EDIL3: variants seen among roughly 807,000 people sequenced by gnomAD.
EDIL3 encodes EGF-like repeat and discoidin I-like domain-containing protein 3.
A neutral mutation model predicts 67.4 loss-of-function variants in EDIL3; 37 were observed. The observed-to-expected ratio is 0.55, with a 90% confidence interval of 0.42 to 0.72. The LOEUF (loss-of-function observed/expected upper bound fraction) is 0.72, where lower values mean the gene tolerates loss of function less well. Ranked by LOEUF, EDIL3 falls within the 30% of genes least tolerant of loss-of-function variation. EDIL3 has a pLI of 0.00. For synonymous variants in EDIL3, 195 were observed against 196.3 expected, an observed-to-expected ratio of 0.99 and a Z score of 0.05; for missense variants, 527 against 586.3, an observed-to-expected ratio of 0.90 and a Z score of 1.04.
rs777982656 is a variant in EDIL3, at chr5:84,229,890, A to G, written c.197-6T>C. The G allele has an allele frequency of 6.3e-7, 1 of 1,597,880 alleles. No individual in the cohort carries two copies. On this transcript the variant is annotated splice_polypyrimidine_tract_variant and splice_region_variant and intron_variant, in intron 2 of 10. Transcript: ENST00000296591. Reference sequence around the variant, plus strand: ...TGGTTCTTCTTCATCTGATGCTATGATAAGAGGAAAAGGTGAAATGGGGGT... The same window carrying G: ...TGGTTCTTCTTCATCTGATGCTATGGTAAGAGGAAAAGGTGAAATGGGGGT...
chr5:84,312,603 G>A (rs13177327), intron 1 of EDIL3, among the ~76,000 whole-genome samples: 9 of 138,444 alleles, frequency 6.5e-5, no homozygotes, highest in Admixed American at 2.1e-4. Context: ...CTGGCCGGGC[G>A]GGGGGCTGAC....
At chr5:84,289,006 G>A (rs922555055) in intron 1 of EDIL3, among the ~76,000 whole-genome samples, 3 of 152,214 alleles carry the variant, frequency 2.0e-5, no homozygotes, top group African/African-American at 4.8e-5. Context: ...GCTAAGAAAC[G>A]CAGCTCAAAG....
At chr5:84,087,308 A>G (rs1326688069) in intron 6 of EDIL3, among the ~76,000 whole-genome samples, 1 of 152,216 alleles carries the variant, frequency 6.6e-6, no homozygotes, top group Admixed American at 6.5e-5. Flanking sequence ...CTTTGTATAT[A>G]AAGAAGACAT....
intron 5 of EDIL3, among the ~76,000 whole-genome samples, chr5:84,117,020 A>AATTTTT (rs71605897): frequency 1.2e-5 from 1 of 83,236 alleles, no homozygotes; most frequent in African/African-American, 4.7e-5. Context: ...TTAAGTACTT[A>AATTTTT]TTTTTTTTTT....
intron 3 of EDIL3, among the ~76,000 whole-genome samples, chr5:84,209,005 G>A (rs1440311390): frequency 6.6e-6 from 1 of 152,174 alleles, no homozygotes; most frequent in Non-Finnish European, 1.5e-5. Flanking sequence ...ACTGGATTAA[G>A]AAAATGTGGC....
rs534114269 is a variant in EDIL3, at chr5:84,341,603, T to G, written c.67+42705A>C. The stretch of plus-strand genomic sequence containing the variant: ...GTAATTATTTCATAGGTCAGGATTT[T>G]CATACAATCATCTCAAATCCTTTTG... On this transcript the variant is annotated intron_variant, in intron 1 of 10. Transcript: ENST00000296591. 1.1e-4 allele frequency among the ~76,000 whole-genome samples: 16 copies of G among 152,230 alleles called. No individual in the cohort carries two copies. The South Asian group carries it at 3.3e-3, about 32-fold the overall frequency.
intron 1 of EDIL3, among the ~76,000 whole-genome samples, chr5:84,312,691 A>G (rs1405890633): frequency 6.6e-6 from 1 of 151,462 alleles, no homozygotes; most frequent in African/African-American, 2.4e-5. Context: ...GGCCAGGCAG[A>G]GGCGCCCCTC....
chr5:84,058,596 G>A (rs752335120), intron 9 of EDIL3, among the ~76,000 whole-genome samples: 4 of 151,986 alleles, frequency 2.6e-5, no homozygotes, highest in Admixed American at 6.6e-5. Context: ...GTTAGTGTGT[G>A]GAGCTGGTGA....
In EDIL3 at chr5:84,138,350, A is replaced by T. The variant is rs143431325; in HGVS notation, c.356-996T>A. 1.3e-3 allele frequency among the ~76,000 whole-genome samples: 191 copies of T among 152,326 alleles called. 2 individuals are homozygous for T. Among genetic ancestry groups the T allele is most frequent in the Middle Eastern group, 6.8e-3 (2 of 294 alleles). ...TTCACCTTGTCAGAAAGTGAGCTCCACAAATGAAGTTCCTATCTTGCCCTG... is the reference window on the plus strand; with the variant it reads ...TTCACCTTGTCAGAAAGTGAGCTCCTCAAATGAAGTTCCTATCTTGCCCTG... On this transcript the variant is annotated intron_variant, in intron 4 of 10. Transcript: ENST00000296591.
chr5:84,175,137 A>G (rs1392521852), intron 4 of EDIL3, among the ~76,000 whole-genome samples: 1 of 152,136 alleles, frequency 6.6e-6, no homozygotes, highest in Non-Finnish European at 1.5e-5. Context: ...CCCATGTCTC[A>G]TTGCCTGGTT....
At chr5:84,242,192 A>T (rs1384683302) in intron 2 of EDIL3, among the ~76,000 whole-genome samples, 1 of 151,860 alleles carries the variant, frequency 6.6e-6, no homozygotes, top group Admixed American at 6.6e-5. Context: ...AGATCACGCC[A>T]CTGCACTCCA....
chr5:84,225,014 T>C (rs1744421629), intron 3 of EDIL3, among the ~76,000 whole-genome samples: 1 of 151,506 alleles, frequency 6.6e-6, no homozygotes. Context: ...GTTTTTATAC[T>C]CAATAAAACA....
intron 1 of EDIL3, among the ~76,000 whole-genome samples, chr5:84,262,671 T>TTTTTTTTTTTTTTTTTTC (rs1745255192): frequency 8.9e-6 from 1 of 112,054 alleles, no homozygotes; most frequent in African/African-American, 3.4e-5. Flanking sequence ...TTTTTTTTTT[T>TTTTTTTTTTTTTTTTTTC]TTTTTTTTTT....
At chr5:84,113,205 T>C (rs2112290127) in intron 5 of EDIL3, among the ~76,000 whole-genome samples, 1 of 152,296 alleles carries the variant, frequency 6.6e-6, no homozygotes, top group East Asian at 1.9e-4. Flanking sequence ...TAGTAGAATA[T>C]GGTAGTCTGC....
chr5:83,996,202 C>A lies in EDIL3; in HGVS notation c.1138-32842G>T, dbSNP rs149053302. ...CTTTATAATAATATTGGACACAAAG[C>A]AATTAAATAGTAAAGACTCATTACA... On this transcript the variant is annotated intron_variant, in intron 9 of 10. Transcript: ENST00000296591. Among the ~76,000 whole-genome samples, 641 of 152,204 alleles carry A rather than the reference C, an allele frequency of 4.2e-3. 2 individuals are homozygous for A. The highest frequency in any genetic ancestry group is 5.3e-3 in the Non-Finnish European group (360 of 68,008).
At chr5:84,133,916 C>T (rs530948766) in intron 5 of EDIL3, among the ~76,000 whole-genome samples, 2 of 151,926 alleles carry the variant, frequency 1.3e-5, no homozygotes, top group East Asian at 1.9e-4. Context: ...TGTATTATTG[C>T]CTTAACTCCC....
intron 1 of EDIL3, among the ~76,000 whole-genome samples, chr5:84,302,321 G>C (rs989621650): frequency 3.3e-5 from 5 of 151,974 alleles, no homozygotes; most frequent in African/African-American, 1.2e-4. Context: ...TTTTGAGACA[G>C]AGTCTCACTC....
At chr5:84,356,848 T>C (rs1472613904) in intron 1 of EDIL3, among the ~76,000 whole-genome samples, 2 of 151,702 alleles carry the variant, frequency 1.3e-5, no homozygotes, top group Non-Finnish European at 2.9e-5. Context: ...TGAAATACTA[T>C]TTATTTGGCT....
intron 9 of EDIL3, among the ~76,000 whole-genome samples, chr5:84,027,054 C>T (rs1745829177): frequency 1.3e-5 from 2 of 152,112 alleles, no homozygotes; most frequent in South Asian, 4.1e-4. Flanking sequence ...GTGGTGGTGC[C>T]ACTGCACTCC....
Sources: gnomAD v4.1 joint callset for allele counts (sites outside exome capture counted in the v4.1 genomes callset) on GRCh38, gnomAD v4.1.1 for gene constraint, MANE v1.5 for transcripts, NCBI Gene and HGNC (gene_info 2026-07-23, HGNC 2026-07-21) for gene names.